The following RNASEH1 variants were observed in gnomAD, a reference collection of about 807,000 sequenced individuals.
RNASEH1 encodes ribonuclease H1.
RNASEH1 carries 27 observed loss-of-function variants against 34.6 expected under a neutral mutation model. The ratio of observed to expected loss-of-function variants is 0.78; its 90% CI spans 0.58 to 1.08. The LOEUF (loss-of-function observed/expected upper bound fraction) is 1.08. Ranked by LOEUF, RNASEH1 falls within the 50% of genes least tolerant of loss-of-function variation. The pLI, the probability that RNASEH1 is intolerant of heterozygous loss-of-function variation, is 0.00. For missense variants in RNASEH1, 349 were observed against 373.6 expected, an observed-to-expected ratio of 0.93 and a Z score of 0.54; for synonymous variants, 162 against 138.4, an observed-to-expected ratio of 1.17 and a Z score of -1.20.
At chr2:3,547,074 C>T (rs964062229) in intron 7 of RNASEH1, among the ~76,000 whole-genome samples, 4 of 152,140 alleles carry the variant, frequency 2.6e-5, no homozygotes, top group Admixed American at 1.3e-4. Flanking sequence ...AATGAGATCA[C>T]GCCATAGCCT....
the RNASEH1 span, chr2:3,532,125 G>A: frequency 1.6e-6 from 1 of 630,892 alleles, no homozygotes; most frequent in Admixed American, 2.3e-5. Context: ...GGAGTTTTGG[G>A]GAATGGAGGG....
At chr2:3,545,951 C>A in intron 7 of RNASEH1, 80 bp from the exon 8 acceptor site, 2 of 1,008,502 alleles carry the variant, frequency 2.0e-6, no homozygotes, top group Non-Finnish European at 3.1e-6. Context: ...TCATAAAAAA[C>A]CATTCAGAAC....
At chr2:3,550,949 C>T (rs1325487223) in intron 3 of RNASEH1, among the ~76,000 whole-genome samples, 4 of 152,292 alleles carry the variant, frequency 2.6e-5, no homozygotes, top group South Asian at 4.1e-4. Flanking sequence ...GTGTGGTTCC[C>T]GTCTTTGCTT....
At chr2:3,548,987 G>A in intron 5 of RNASEH1, 71 bp downstream of exon 5, 3 of 1,221,126 alleles carry the variant, frequency 2.5e-6, no homozygotes, top group South Asian at 2.5e-5. Context: ...GAAAAAAAAA[G>A]AATTAGTTTA....
chr2:3,533,108 C>G, the RNASEH1 span: 1 of 152,336 alleles, frequency 6.6e-6, no homozygotes, highest in Non-Finnish European at 1.5e-5. Flanking sequence ...CAGAGCTCAC[C>G]TCTCCTGGCA....
chr2:3,537,283 GT>G (rs1210005864), downstream of RNASEH1, among the ~76,000 whole-genome samples: 1 of 152,214 alleles, frequency 6.6e-6, no homozygotes, highest in Non-Finnish European at 1.5e-5. Flanking sequence ...AGCTAAGCAT[GT>G]GTCCACCTGG....
intron 7 of RNASEH1, among the ~76,000 whole-genome samples, chr2:3,547,045 C>T (rs6745373): frequency 0.15 from 22,280 of 152,138 alleles, 2,033 homozygotes; most frequent in African/African-American, 0.25. Flanking sequence ...ATCACTTGAA[C>T]CCAGAAGGCA....
intron 4 of RNASEH1, among the ~76,000 whole-genome samples, chr2:3,549,420 T>A (rs1218509013): frequency 6.6e-6 from 1 of 151,826 alleles, no homozygotes; most frequent in Non-Finnish European, 1.5e-5. Context: ...ATGGAGAGAG[T>A]GAGACTTCAG....
the RNASEH1 span, among the ~76,000 whole-genome samples, chr2:3,535,716 G>A: frequency 6.6e-6 from 1 of 152,200 alleles, no homozygotes; most frequent in Non-Finnish European, 1.5e-5. Context: ...GAAGTCACGG[G>A]AGGGTCCTGA....
At chr2:3,534,687 T>C in the RNASEH1 span, among the ~76,000 whole-genome samples, 34 of 152,212 alleles carry the variant, frequency 2.2e-4, no homozygotes, top group African/African-American at 8.2e-4. Context: ...GGGCCGAATG[T>C]GCAGAGTATC....
intron 3 of RNASEH1, among the ~76,000 whole-genome samples, chr2:3,550,842 A>T (rs1247687895): frequency 6.6e-6 from 1 of 152,214 alleles, no homozygotes; most frequent in African/African-American, 2.4e-5. Context: ...AGAGACGAGC[A>T]GCGCCTCAGC....
the RNASEH1 span, among the ~76,000 whole-genome samples, chr2:3,536,380 A>G: frequency 6.6e-6 from 1 of 150,978 alleles, no homozygotes; most frequent in Non-Finnish European, 1.5e-5. Context: ...CACCGCTCCG[A>G]GTCCCCTCCC....
chr2:3,549,267 A>C (rs1669057691), intron 4 of RNASEH1, among the ~76,000 whole-genome samples, 155 bp from the exon 5 acceptor site: 1 of 152,256 alleles, frequency 6.6e-6, no homozygotes, highest in Admixed American at 6.5e-5. Flanking sequence ...AGAGAGCAGC[A>C]CACAGGTTTC....
Position 3,558,324 on chromosome 2 carries a change from G to A in RNASEH1, c.-64C>T, listed in dbSNP as rs749025463. 20 of 1,458,132 alleles carry A rather than the reference G, an allele frequency of 1.4e-5. No individual in the cohort carries two copies. Among genetic ancestry groups the A allele is most frequent in the Non-Finnish European group, 1.8e-5 (20 of 1,107,566 alleles). The allele number at this position is 1,458,132 out of a possible 1,614,324, so 90.3% of individuals were successfully genotyped here. A position where few individuals can be genotyped will look rare whatever the true frequency, so the allele number is the denominator to read the frequency against. On this transcript the variant is annotated 5_prime_UTR_variant, in exon 1 of 8. Coordinates refer to ENST00000315212, the MANE Select transcript of RNASEH1 (RefSeq NM_002936.6). ...CCCAGCGTGGGCGCGAGCCGCCGGC[G>A]CTCAACACCGCACTTCCGTCACCGG...
Position 3,544,433 on chromosome 2 carries a change from G to A in RNASEH1, c.*1352C>T, listed in dbSNP as rs191972158. Among the ~76,000 whole-genome samples the A allele has an allele frequency of 5.9e-5, 9 of 152,260 alleles. No homozygotes were observed. The highest frequency in any genetic ancestry group is 1.9e-4 in the African/African-American group (8 of 41,548). On this transcript the variant is annotated 3_prime_UTR_variant, in exon 8 of 8. Coordinates refer to ENST00000315212, the MANE Select transcript of RNASEH1 (RefSeq NM_002936.6). ...CGGCAGGGAAAACAGTGAGGCCGACGGGACTGCAAATGGACACTGAAGTAG... is the reference window on the plus strand; with the variant it reads ...CGGCAGGGAAAACAGTGAGGCCGACAGGACTGCAAATGGACACTGAAGTAG...
rs776886452 is a variant in RNASEH1 at position 3,548,732 on chromosome 2, A to G, written c.565-8T>C. ...AATGGCTTTGCAGGCTGCCTTGAAA[A>G]GACAAGTCGATAGTCATGCTACAGA... On this transcript the variant is annotated splice_region_variant and splice_polypyrimidine_tract_variant and intron_variant, in intron 5 of 7. Coordinates refer to ENST00000315212, the MANE Select transcript of RNASEH1 (RefSeq NM_002936.6). 8 of 1,601,990 alleles carry G rather than the reference A, an allele frequency of 5.0e-6. No homozygotes were observed. The highest frequency in any genetic ancestry group is 6.0e-6 in the Non-Finnish European group (7 of 1,169,798).
At chr2:3,535,228 A>G in the RNASEH1 span, among the ~76,000 whole-genome samples, 1 of 151,730 alleles carries the variant, frequency 6.6e-6, no homozygotes, top group African/African-American at 2.4e-5. Flanking sequence ...GACCAGCCTG[A>G]CCAACATGGC....
intron 1 of RNASEH1, 144 bp downstream of exon 1, chr2:3,557,989 A>C (rs1660701518): frequency 1.2e-5 from 18 of 1,487,866 alleles, no homozygotes; most frequent in Non-Finnish European, 1.5e-5. Context: ...GAGCAGGAAA[A>C]CGAGGCGGTC....
chr2:3,549,134 G>A, intron 4 of RNASEH1, 22 bp from the exon 5 acceptor site: 1 of 1,581,066 alleles, frequency 6.3e-7, no homozygotes, highest in Non-Finnish European at 8.7e-7. Flanking sequence ...CAGTACAAAA[G>A]AAAATAAAAG....
Sources: allele counts gnomAD v4.1 joint callset (sites outside exome capture counted in the v4.1 genomes callset), GRCh38; gene constraint gnomAD v4.1.1; transcripts MANE v1.5; gene names NCBI Gene and HGNC (gene_info 2026-07-23, HGNC 2026-07-21).